The following ADGRB3 variants were observed in gnomAD, a reference collection of about 807,000 sequenced individuals.
ADGRB3 encodes adhesion G protein-coupled receptor B3.
In ADGRB3, 37 loss-of-function variants were observed where a neutral mutation model predicts 193.4. That is an observed-to-expected ratio of 0.19 (90% CI 0.15 to 0.25). ADGRB3 has a LOEUF of 0.25. ADGRB3 is among the 10% of genes least tolerant of loss of function. The pLI, the probability that ADGRB3 is intolerant of heterozygous loss-of-function variation, is 1.00. For missense variants in ADGRB3, 1,637 were observed against 1,852.9 expected, an observed-to-expected ratio of 0.88 and a Z score of 2.14; for synonymous variants, 690 against 644.2, an observed-to-expected ratio of 1.07 and a Z score of -1.08.
chr6:68,905,081 A>G (rs542565189), intron 3 of ADGRB3, among the ~76,000 whole-genome samples: 1 of 152,324 alleles, frequency 6.6e-6, no homozygotes, highest in African/African-American at 2.4e-5. Context: ...AATGAAGAAA[A>G]TGTATGTCTA....
intron 22 of ADGRB3, among the ~76,000 whole-genome samples, chr6:69,329,139 G>A (rs1768651099): frequency 6.6e-6 from 1 of 151,932 alleles, no homozygotes; most frequent in Admixed American, 6.6e-5. Context: ...TCAGTTTGAA[G>A]ATTAGTTTAC....
intron 17 of ADGRB3, among the ~76,000 whole-genome samples, chr6:69,141,127 T>TG (rs1305388130): frequency 0.1 from 5,708 of 56,220 alleles, 154 homozygotes; most frequent in Middle Eastern, 0.26. Context: ...TTCTTTTTTT[T>TG]TGGGGGGGGC....
chr6:69,056,295 C>T (rs1182953133), intron 15 of ADGRB3, among the ~76,000 whole-genome samples: 1 of 152,016 alleles, frequency 6.6e-6, no homozygotes, highest in Non-Finnish European at 1.5e-5. Context: ...AAGTCTTTTG[C>T]CCATATTTTA....
chr6:68,987,040 C>T (rs984694950), intron 10 of ADGRB3, among the ~76,000 whole-genome samples: 1 of 151,986 alleles, frequency 6.6e-6, no homozygotes, highest in Non-Finnish European at 1.5e-5. Context: ...TCATTTTTCC[C>T]CCTTTCACTG....
chr6:69,082,587 C>G (rs1460063281), intron 17 of ADGRB3, among the ~76,000 whole-genome samples: 1 of 151,912 alleles, frequency 6.6e-6, no homozygotes, highest in Admixed American at 6.6e-5. Flanking sequence ...TTTGGGTTAT[C>G]GTCATTTTTT....
In ADGRB3 at chr6:69,374,015, C is replaced by G. The variant is rs144139700; in HGVS notation, c.4275+1574C>G. Among the ~76,000 whole-genome samples, 369 of 152,066 alleles carry G rather than the reference C, an allele frequency of 2.4e-3. 5 individuals carry two copies. The highest frequency in any genetic ancestry group is 8.7e-3 in the African/African-American group (359 of 41,502). ...GATACTTACTTCTACGCTTATTATT[C>G]CACCCATAAAACCATGTTGTTAGTA... On this transcript the variant is annotated intron_variant, in intron 30 of 31. Coordinates refer to ENST00000370598, the MANE Select transcript of ADGRB3 (RefSeq NM_001704.3).
intron 8 of ADGRB3, among the ~76,000 whole-genome samples, chr6:68,971,267 A>G (rs1281942070): frequency 6.6e-6 from 1 of 152,208 alleles, no homozygotes; most frequent in Non-Finnish European, 1.5e-5. Context: ...TTTATATAGC[A>G]TTTACATTGA....
At chr6:69,055,818 TTTTGC>T (rs1422071858) in intron 15 of ADGRB3, among the ~76,000 whole-genome samples, 1 of 151,100 alleles carries the variant, frequency 6.6e-6, no homozygotes, top group African/African-American at 2.4e-5. Flanking sequence ...TTTTTTTTTG[TTTTGC>T]TTTGTTTTGT....
chr6:68,994,349 CA>C (rs998744838), intron 11 of ADGRB3, among the ~76,000 whole-genome samples: 5 of 151,832 alleles, frequency 3.3e-5, no homozygotes, highest in African/African-American at 1.2e-4. Context: ...CTGTAACATG[CA>C]AAAAAACATA....
Position 68,639,205 on chromosome 6 carries a change from G to A in ADGRB3, c.530G>A (p.Ser177Asn), listed in dbSNP as rs141387909. The change falls in exon 3 of 32, where the codon AGC becomes AAC. Residue 177 changes from serine to asparagine, a missense_variant. Ser to Asn is a conservative substitution (Grantham distance 46). This residue lies in a region of ADGRB3 where 365 missense variants were observed against 409.8 expected (regional missense o/e 0.89). Transcript: ENST00000370598. ...GCHVLCTWLE[S>N]CLKSENGRTE... Reference sequence around the variant, plus strand: ...CATGTATTATGTACTTGGTTGGAGAGCTGCTTAAAATCAGAAAATGGGAGA... The same window carrying A: ...CATGTATTATGTACTTGGTTGGAGAACTGCTTAAAATCAGAAAATGGGAGA... 4 of 1,614,148 alleles carry A rather than the reference G, an allele frequency of 2.5e-6. No homozygotes were observed. The highest frequency in any genetic ancestry group is 1.3e-5 in the African/African-American group (1 of 75,040).
chr6:68,880,808 A>G (rs1765711700), intron 3 of ADGRB3, among the ~76,000 whole-genome samples: 1 of 152,166 alleles, frequency 6.6e-6, no homozygotes, highest in African/African-American at 2.4e-5. Context: ...TTCATTCTAC[A>G]AATATTGGCT....
intron 17 of ADGRB3, among the ~76,000 whole-genome samples, chr6:69,218,492 G>A (rs1417770050): frequency 6.6e-6 from 1 of 152,158 alleles, no homozygotes; most frequent in Non-Finnish European, 1.5e-5. Flanking sequence ...TGTAAGATAT[G>A]AAAGAAAACC....
intron 3 of ADGRB3, among the ~76,000 whole-genome samples, chr6:68,848,942 G>A (rs1768342807): frequency 6.6e-6 from 1 of 152,032 alleles, no homozygotes; most frequent in Middle Eastern, 3.4e-3. Flanking sequence ...AATTTTTAAT[G>A]TATCTTCTCA....
intron 26 of ADGRB3, among the ~76,000 whole-genome samples, chr6:69,341,572 C>A (rs1408177011): frequency 2.0e-5 from 3 of 152,116 alleles, no homozygotes; most frequent in Non-Finnish European, 4.4e-5. Context: ...CCAAGCCTTA[C>A]TATTCCCTTA....
At chr6:69,055,313 G>A (rs1369997072) in intron 15 of ADGRB3, among the ~76,000 whole-genome samples, 1 of 152,044 alleles carries the variant, frequency 6.6e-6, no homozygotes, top group African/African-American at 2.4e-5. Flanking sequence ...CTGACCCTTA[G>A]CAACTATCAT....
At chr6:69,268,658 G>C (rs1054272048) in intron 20 of ADGRB3, among the ~76,000 whole-genome samples, 1 of 152,092 alleles carries the variant, frequency 6.6e-6, no homozygotes, top group Non-Finnish European at 1.5e-5. Context: ...GCAGTTCTTT[G>C]GGTAGAAACT....
chr6:68,812,812 T>C (rs902061812), intron 3 of ADGRB3, among the ~76,000 whole-genome samples: 19 of 151,904 alleles, frequency 1.3e-4, no homozygotes, highest in Admixed American at 7.2e-4. Context: ...CTCCTAATGC[T>C]ATCCCTCCCC....
At chr6:68,801,920 C>T (rs1188933746) in intron 3 of ADGRB3, among the ~76,000 whole-genome samples, 2 of 152,110 alleles carry the variant, frequency 1.3e-5, no homozygotes, top group Non-Finnish European at 2.9e-5. Context: ...CCCACATAGA[C>T]TGTGGGACTT....
chr6:69,367,929 G>A (rs907647756), intron 29 of ADGRB3, among the ~76,000 whole-genome samples: 2 of 146,464 alleles, frequency 1.4e-5, no homozygotes, highest in African/African-American at 5.1e-5. Context: ...CTCACTCATA[G>A]GTAGGAATTG....
Sources: allele counts gnomAD v4.1 joint callset (sites outside exome capture counted in the v4.1 genomes callset), GRCh38; gene constraint gnomAD v4.1.1; regional missense constraint gnomAD v4.1.1; transcripts MANE v1.5; gene names NCBI Gene and HGNC (gene_info 2026-07-23, HGNC 2026-07-21).